The following PRKN variants were observed in gnomAD, a reference collection of about 807,000 sequenced individuals.
PRKN encodes the protein parkin RBR E3 ubiquitin protein ligase, also known as E3 ubiquitin-protein ligase parkin.
A neutral mutation model predicts 59.5 loss-of-function variants in PRKN; 56 were observed. That is an observed-to-expected ratio of 0.94 (90% CI 0.76 to 1.18). The LOEUF (loss-of-function observed/expected upper bound fraction) is 1.18. Among genes scored for constraint, PRKN ranks in the 50% most tolerant of loss-of-function variants. The pLI is 0.00. For synonymous variants in PRKN, 250 were observed against 222.1 expected, an observed-to-expected ratio of 1.13 and a Z score of -1.12; for missense variants, 657 against 596.4, an observed-to-expected ratio of 1.10 and a Z score of -1.06.
At chr6:161,632,856 A>G (rs918226291) in intron 7 of PRKN, among the ~76,000 whole-genome samples, 1 of 152,204 alleles carries the variant, frequency 6.6e-6, no homozygotes, top group Non-Finnish European at 1.5e-5. Flanking sequence ...CTATCATGAG[A>G]ATAGCATGGA....
rs150874549 is a variant in PRKN at position 162,098,627 on chromosome 6, A to G, written c.535-44453T>C. On this transcript the variant is annotated intron_variant, in intron 4 of 11. Coordinates refer to ENST00000366898, the MANE Select transcript of PRKN (RefSeq NM_004562.3). ...ACCTTTCAGGTCATGGCTGCACTCA[A>G]GCTGAGTTCCCTACCTAGAAAATCC... is the stretch of plus-strand genomic sequence containing the variant. Among the ~76,000 whole-genome samples, 430 of 152,326 alleles carry G rather than the reference A, an allele frequency of 2.8e-3. 2 individuals are homozygous for G. The highest frequency in any genetic ancestry group is 5.2e-3 in the Non-Finnish European group (356 of 68,024).
chr6:162,076,277 G>C (rs1043120783), intron 4 of PRKN, among the ~76,000 whole-genome samples: 2 of 151,978 alleles, frequency 1.3e-5, no homozygotes, highest in Non-Finnish European at 2.9e-5. Flanking sequence ...GCCAAGGAAG[G>C]CCTTCTTAAT....
Position 161,570,159 on chromosome 6 carries a change from A to G in PRKN, c.872-743T>C, listed in dbSNP as rs887254227. The stretch of plus-strand genomic sequence containing the variant: ...AAAAAAAAAAAAAATATATATATAT[A>G]TATATATATGCACACATACACACAC... On this transcript the variant is annotated intron_variant, in intron 7 of 11. Transcript: ENST00000366898. Among the ~76,000 whole-genome samples, 6 of 141,592 alleles carry G rather than the reference A, an allele frequency of 4.2e-5. No homozygotes were observed. In the East Asian group the frequency reaches 7.9e-4, roughly 19 times the overall value. The allele number at this position is 141,592 out of a possible 152,430, so 92.9% of individuals were successfully genotyped here. A position where few individuals can be genotyped will look rare whatever the true frequency, so the allele number is the denominator to read the frequency against.
intron 6 of PRKN, among the ~76,000 whole-genome samples, chr6:161,884,368 C>G (rs1795054419): frequency 6.6e-6 from 1 of 152,110 alleles, no homozygotes; most frequent in Non-Finnish European, 1.5e-5. Context: ...CACAGCAGAC[C>G]ACTGCTATGA....
chr6:161,388,720 T>C lies in PRKN; in HGVS notation c.1084-1843A>G, dbSNP rs1159743993. Among the ~76,000 whole-genome samples the C allele has an allele frequency of 6.6e-6, 1 of 152,248 alleles. No homozygotes were observed. Among genetic ancestry groups the C allele is most frequent in the African/African-American group, 2.4e-5 (1 of 41,474 alleles). ...AAGCTTCCATTTCCTGTTGGGACAC[T>C]TGCTCTTGAAGCCCAGCTGCCATAT... On this transcript the variant is annotated intron_variant, in intron 9 of 11. Coordinates refer to ENST00000366898, the MANE Select transcript of PRKN (RefSeq NM_004562.3). This position sits in a 1 kb window ranked among gnomAD's most constrained non-coding sequence, Gnocchi z 4.3.
intron 1 of PRKN, among the ~76,000 whole-genome samples, chr6:162,600,493 G>A (rs1359212590): frequency 6.6e-6 from 1 of 152,130 alleles, no homozygotes; most frequent in Non-Finnish European, 1.5e-5. Flanking sequence ...GTATACGTAA[G>A]AGTACTAAGT....
At chr6:161,672,314 A>G (rs930535208) in intron 7 of PRKN, among the ~76,000 whole-genome samples, 17 of 152,250 alleles carry the variant, frequency 1.1e-4, no homozygotes, top group African/African-American at 4.1e-4. Context: ...AAAAATGTGA[A>G]TGCTAGATAA....
At chr6:162,239,885 A>G (rs1236245020) in intron 3 of PRKN, among the ~76,000 whole-genome samples, 2 of 152,152 alleles carry the variant, frequency 1.3e-5, no homozygotes, top group African/African-American at 4.8e-5. Flanking sequence ...AAGCCAAAAC[A>G]AAAATAAAAC....
intron 9 of PRKN, among the ~76,000 whole-genome samples, chr6:161,534,141 T>C (rs1779324560): frequency 6.6e-6 from 1 of 152,094 alleles, no homozygotes. Flanking sequence ...CCTGTCCTGC[T>C]CTTGATCAGG....
chr6:161,567,645 C>T (rs1221447034), intron 8 of PRKN, among the ~76,000 whole-genome samples: 1 of 152,098 alleles, frequency 6.6e-6, no homozygotes, highest in Non-Finnish European at 1.5e-5. Context: ...ATTACCAAAA[C>T]TAATCGTAGT....
chr6:161,451,652 G>A lies in PRKN; in HGVS notation c.1084-64775C>T, dbSNP rs943128336. ...AAGATGATTCCAAGAGAAAGTGGCA[G>A]TCAACAGTGGTTTTGTACAATGCGG... is the stretch of plus-strand genomic sequence containing the variant. On this transcript the variant is annotated intron_variant, in intron 9 of 11. Transcript: ENST00000366898. This position sits in a 1 kb window ranked among gnomAD's most constrained non-coding sequence, Gnocchi z 5.9. 6.6e-6 allele frequency among the ~76,000 whole-genome samples: 1 copy of A among 152,216 alleles called. No homozygotes were observed. Among genetic ancestry groups the A allele is most frequent in the Admixed American group, 6.5e-5 (1 of 15,274 alleles).
At chr6:161,994,225 T>C (rs1309566710) in intron 5 of PRKN, among the ~76,000 whole-genome samples, 3 of 144,730 alleles carry the variant, frequency 2.1e-5, no homozygotes, top group Non-Finnish European at 4.5e-5. Flanking sequence ...GAAGGACATA[T>C]AGAAGCATGG....
rs1790277826 is a variant in PRKN at position 161,462,679 on chromosome 6, G to T, written c.1084-75802C>A. Among the ~76,000 whole-genome samples, 1 of 152,142 alleles carries T rather than the reference G, an allele frequency of 6.6e-6. No individual in the cohort carries two copies. The highest frequency in any genetic ancestry group is 2.4e-5 in the African/African-American group (1 of 41,426). On this transcript the variant is annotated intron_variant, in intron 9 of 11. Coordinates refer to ENST00000366898, the MANE Select transcript of PRKN (RefSeq NM_004562.3). This position sits in a 1 kb window ranked among gnomAD's most constrained non-coding sequence, Gnocchi z 4.5. ...ATATGTCATTAACAGAGGTTAACTT[G>T]CTGAAAAATAAGCTGAATTCGTTGG...
At chr6:162,153,406 A>G (rs1782359076) in intron 4 of PRKN, among the ~76,000 whole-genome samples, 1 of 152,216 alleles carries the variant, frequency 6.6e-6, no homozygotes, top group Non-Finnish European at 1.5e-5. Context: ...ACTGTGACCC[A>G]AAGGCCTCAG....
chr6:162,372,114 T>C (rs1001941452), intron 2 of PRKN, among the ~76,000 whole-genome samples: 1 of 152,206 alleles, frequency 6.6e-6, no homozygotes, highest in Admixed American at 6.5e-5. Context: ...ACTGGTTTCC[T>C]TAATTTCTTT....
Position 162,538,595 on chromosome 6 carries a change from T to C in PRKN, c.8-95122A>G, listed in dbSNP as rs553078708. ...TGCCCAGACTGATTCCATGTTTTTG[T>C]ATTTTCTCATAGCTGAAAATATTAA... is the stretch of plus-strand genomic sequence containing the variant. On this transcript the variant is annotated intron_variant, in intron 1 of 11. Transcript: ENST00000366898. Among the ~76,000 whole-genome samples the C allele has an allele frequency of 1.7e-4, 26 of 152,288 alleles. No individual in the cohort carries two copies. The South Asian group carries it at 5.2e-3, about 30-fold the overall frequency.
At chr6:162,103,216 A>T (rs1780052478) in intron 4 of PRKN, among the ~76,000 whole-genome samples, 1 of 152,148 alleles carries the variant, frequency 6.6e-6, no homozygotes, top group Admixed American at 6.5e-5. Flanking sequence ...AAAGAAAAAA[A>T]GCTGTTCAGT....
At chr6:162,082,970 T>A (rs1289114283) in intron 4 of PRKN, among the ~76,000 whole-genome samples, 8 of 152,072 alleles carry the variant, frequency 5.3e-5, no homozygotes, top group Non-Finnish European at 1.2e-4. Context: ...TTCATTCTTT[T>A]AAAAAAATTA....
At chr6:162,030,552 C>G (rs945105560) in intron 5 of PRKN, among the ~76,000 whole-genome samples, 2 of 152,204 alleles carry the variant, frequency 1.3e-5, no homozygotes, top group Admixed American at 6.5e-5. Flanking sequence ...CTCCAACCTT[C>G]ATGGTTTAAG....
Sources: allele counts gnomAD v4.1 joint callset (sites outside exome capture counted in the v4.1 genomes callset), GRCh38; gene constraint gnomAD v4.1.1; non-coding constraint Gnocchi (gnomAD v3.1); transcripts MANE v1.5; gene names NCBI Gene and HGNC (gene_info 2026-07-23, HGNC 2026-07-21).